Variants in GREB1 observed in about 807,000 individuals in gnomAD.
The protein encoded by GREB1 is protein GREB1.
Under a neutral mutation model 200.7 loss-of-function variants are expected in GREB1, and 106 were observed. The ratio of observed to expected loss-of-function variants is 0.53; its 90% CI spans 0.45 to 0.62. GREB1 has a LOEUF of 0.62. Ranked by LOEUF, GREB1 falls within the 20% of genes least tolerant of loss-of-function variation. The pLI is 0.00. For synonymous variants in GREB1, 1,132 were observed against 1,092.4 expected (o/e 1.04, Z -0.72); for missense variants, 2,243 against 2,556.8 (o/e 0.88, Z 2.65).
chr2:11,562,527 C>T lies in GREB1; in HGVS notation c.222C>T (p.Gly74=), dbSNP rs770652212. Residue 74 remains glycine, a synonymous_variant, in exon 3 of 33, where the codon GGC becomes GGT. Coordinates refer to ENST00000381486, the MANE Select transcript of GREB1 (RefSeq NM_014668.4). ...GAGAAGGAGGGCTGGAAACAAATGG[C>T]CCCCCAAACCCTTTCCAGCTGCACC... The part of the protein sequence containing the change: ...EEGEGGLETN[G]PPNPFQLHPL... The T allele has an allele frequency of 5.0e-6, 8 of 1,604,220 alleles. No individual in the cohort carries two copies. Among genetic ancestry groups the T allele is most frequent in the South Asian group, 1.1e-5 (1 of 90,078 alleles).
intron 4 of GREB1, among the ~76,000 whole-genome samples, chr2:11,569,611 G>A (rs1236038913): frequency 6.6e-6 from 1 of 152,212 alleles, no homozygotes; most frequent in Non-Finnish European, 1.5e-5. Context: ...CATTTATCGT[G>A]TGCCAGAAAC....
intron 17 of GREB1, among the ~76,000 whole-genome samples, chr2:11,609,200 T>C (rs1682681508): frequency 6.6e-6 from 1 of 152,096 alleles, no homozygotes; most frequent in Non-Finnish European, 1.5e-5. Flanking sequence ...CAGAGCCCAT[T>C]TTCCCTACTG....
intron 1 of GREB1, among the ~76,000 whole-genome samples, chr2:11,489,510 T>A (rs1013260876): frequency 2.6e-5 from 4 of 152,146 alleles, no homozygotes; most frequent in Middle Eastern, 3.2e-3. Flanking sequence ...TGCCCCCAAA[T>A]GTAGGAGACA....
chr2:11,629,321 T>C lies in GREB1; in HGVS notation c.4450-627T>C, dbSNP rs892869. 0.28 allele frequency among the ~76,000 whole-genome samples: 42,535 copies of C among 151,642 alleles called. 6,264 individuals carry two copies. The highest frequency in any genetic ancestry group is 0.45 in the South Asian group (2,145 of 4,816). On this transcript the variant is annotated intron_variant, in intron 25 of 32. Coordinates refer to ENST00000381486, the MANE Select transcript of GREB1 (RefSeq NM_014668.4). This position sits in a 1 kb window ranked among gnomAD's most constrained non-coding sequence, Gnocchi z 5.2. ...GAGCAGCACGTGCACAGATGTGGGG[T>C]GTGAGGCTCCTGGGAAGTGGAGGCT... is the stretch of plus-strand genomic sequence containing the variant.
intron 1 of GREB1, among the ~76,000 whole-genome samples, chr2:11,488,099 G>A (rs2148399455): frequency 6.6e-6 from 1 of 152,342 alleles, no homozygotes; most frequent in South Asian, 2.1e-4. Flanking sequence ...CCTGTCTACT[G>A]TGGTGGTTCT....
chr2:11,612,526 G>A lies in GREB1; in HGVS notation c.3038G>A (p.Arg1013Lys). The stretch of plus-strand genomic sequence containing the variant: ...CAGAAAATTGAGGATGTGGAGTGGA[G>A]ACCCCAGACTTACTTGGAGCTGGAG... Reference protein sequence around the residue: ...MWQKIEDVEWRPQTYLELEGL... With the variant: ...MWQKIEDVEWKPQTYLELEGL... The change falls in exon 19 of 33, where the codon AGA becomes AAA. Residue 1013 changes from arginine (R) to lysine (K), a missense_variant. By Grantham distance (26) the Arg-to-Lys change is conservative. Around this residue, in one of 3 missense-constraint regions of GREB1, gnomAD observed 1,178 missense variants for 1,387.4 expected, o/e 0.85. Coordinates refer to ENST00000381486, the MANE Select transcript of GREB1 (RefSeq NM_014668.4). The A allele has an allele frequency of 6.2e-7, 1 of 1,612,556 alleles. No homozygotes were observed. Among genetic ancestry groups the A allele is most frequent in the South Asian group, 1.1e-5 (1 of 91,016 alleles).
chr2:11,553,429 C>T (rs769279025), intron 1 of GREB1, among the ~76,000 whole-genome samples: 5 of 151,902 alleles, frequency 3.3e-5, no homozygotes, highest in African/African-American at 9.7e-5. Flanking sequence ...GTTGCAGAAT[C>T]GAGATCATGC....
chr2:11,525,221 C>T (rs772760604), intron 1 of GREB1, among the ~76,000 whole-genome samples: 32 of 152,146 alleles, frequency 2.1e-4, no homozygotes, highest in Middle Eastern at 3.4e-3. Context: ...AAATGGCATC[C>T]GGGCTGGGCA....
rs751520094 is a variant in GREB1 at position 11,611,052 on chromosome 2, C to A, written c.3006+25C>A. 3.6e-5 allele frequency: 54 copies of A among 1,519,048 alleles called. No homozygotes were observed. The South Asian group carries it at 4.9e-4, about 14-fold the overall frequency. 94.1% of individuals were successfully genotyped at this position (1,519,048 alleles called of 1,614,324 possible). On this transcript the variant is annotated intron_variant, in intron 18 of 32. Transcript: ENST00000381486. ...GGTAGGTGCTGTGCGCAGGGAGGGG[C>A]GGAGGGCCTGGGGGTACCTGGGAGA...
intron 17 of GREB1, among the ~76,000 whole-genome samples, chr2:11,604,289 G>A (rs1475578201): frequency 6.6e-6 from 1 of 152,166 alleles, no homozygotes; most frequent in Non-Finnish European, 1.5e-5. Flanking sequence ...TCCTGAATCT[G>A]CCGTTAACCA....
rs1681333501 is a variant in GREB1, at chr2:11,597,038, G to T, written c.1955-743G>T. ...GCAGTGAGAGGCGCCAATGGGCACA[G>T]GTGTGCACCGTGAGAGAGGGCAGTG... On this transcript the variant is annotated intron_variant, in intron 13 of 32. Transcript: ENST00000381486. This position sits in a 1 kb window ranked among gnomAD's most constrained non-coding sequence, Gnocchi z 4.1. 1.3e-5 allele frequency among the ~76,000 whole-genome samples: 2 copies of T among 151,904 alleles called. No homozygotes were observed. Among genetic ancestry groups the T allele is most frequent in the Non-Finnish European group, 2.9e-5 (2 of 67,928 alleles).
Position 11,616,644 on chromosome 2 carries a change from G to A in GREB1, c.3336G>A (p.Glu1112=), listed in dbSNP as rs754289540. ...GTTTTGGAACAGGCTCTACCTCGGA[G>A]AAGAGAAGCCCCATGAAAAGGGAGA... ...EELGTEGSTS[E]KRSPMKRERS... is the part of the protein sequence containing the mutation. The change falls in exon 21 of 33, where the codon GAG becomes GAA. Residue 1112 remains glutamate, a synonymous_variant. Coordinates refer to ENST00000381486, the MANE Select transcript of GREB1 (RefSeq NM_014668.4). 6.2e-7 allele frequency: 1 copy of A among 1,609,200 alleles called. No homozygotes were observed. The highest frequency in any genetic ancestry group is 8.5e-7 in the Non-Finnish European group (1 of 1,175,476).
chr2:11,530,466 G>C (rs541661831), upstream of GREB1, among the ~76,000 whole-genome samples: 6 of 151,606 alleles, frequency 4.0e-5, no homozygotes, highest in African/African-American at 1.5e-4. Context: ...TTACCAGGAG[G>C]CTGAGGCAGG....
intron 1 of GREB1, among the ~76,000 whole-genome samples, chr2:11,515,929 G>A (rs1673483290): frequency 6.6e-6 from 1 of 152,210 alleles, no homozygotes; most frequent in African/African-American, 2.4e-5. Context: ...GATTTAGCCA[G>A]GCAAGACAGC....
chr2:11,550,208 A>T (rs887642964), intron 1 of GREB1, among the ~76,000 whole-genome samples: 4 of 152,152 alleles, frequency 2.6e-5, no homozygotes, highest in South Asian at 2.1e-4. Flanking sequence ...CAAGAGCGAA[A>T]CTCTGTCTCA....
rs1047548069 is a variant in GREB1, at chr2:11,493,265, C to T, written c.-159+10884C>T. Among the ~76,000 whole-genome samples the T allele has an allele frequency of 1.3e-5, 2 of 152,140 alleles. No homozygotes were observed. Among genetic ancestry groups the T allele is most frequent in the African/African-American group, 4.8e-5 (2 of 41,426 alleles). ...GCCCAGCAGCCCCCAACCTTTTTGG[C>T]ACCAGGGTCCAGTTTCATGGAAGAC... On this transcript the variant is annotated intron_variant, in intron 1 of 2. Coordinates refer to the GREB1 transcript ENST00000628795. The surrounding 1 kb of genome is among the most constrained non-coding windows in gnomAD (Gnocchi z 4.6).
Position 11,576,373 on chromosome 2 carries a change from G to T in GREB1, c.475G>T (p.Gly159Cys). The change falls in exon 5 of 33, where the codon GGC becomes TGC. Residue 159 changes from glycine to cysteine, a missense_variant. This residue lies in a region of GREB1 where 1,178 missense variants were observed against 1,387.4 expected (regional missense o/e 0.85). Transcript: ENST00000381486. ...TCCAGGTTTCTCTGGGAATTGTGTT[G>T]GCTGTGGAAAGAAAGGCTTCTGTTA... ...ALLGFSGNCV[G>C]CGKKGFCYFT... is the part of the protein sequence containing the mutation. 2.5e-6 allele frequency: 4 copies of T among 1,613,314 alleles called. No individual in the cohort carries two copies. Among genetic ancestry groups the T allele is most frequent in the Non-Finnish European group, 3.4e-6 (4 of 1,179,666 alleles).
At chr2:11,627,364 A>G (rs578004249) in intron 25 of GREB1, among the ~76,000 whole-genome samples, 8 of 152,272 alleles carry the variant, frequency 5.3e-5, no homozygotes, top group Middle Eastern at 3.4e-3. Flanking sequence ...TTAGGTCCCA[A>G]TGCTTTCAGA....
At chr2:11,606,033 T>G (rs1211121161) in intron 17 of GREB1, among the ~76,000 whole-genome samples, 1 of 152,190 alleles carries the variant, frequency 6.6e-6, no homozygotes, top group Non-Finnish European at 1.5e-5. Flanking sequence ...GCCAAATTGT[T>G]TTCCAAAGCG....
Sources: allele counts gnomAD v4.1 joint callset (sites outside exome capture counted in the v4.1 genomes callset), GRCh38; gene constraint gnomAD v4.1.1; regional missense constraint gnomAD v4.1.1; non-coding constraint Gnocchi (gnomAD v3.1); transcripts MANE v1.5; gene names NCBI Gene and HGNC (gene_info 2026-07-23, HGNC 2026-07-21).